Variants in FAM167A observed in about 807,000 individuals in gnomAD.
FAM167A encodes the protein protein FAM167A.
Under a neutral mutation model 14.9 loss-of-function variants are expected in FAM167A, and 23 were observed. That is an observed-to-expected ratio of 1.55 (90% confidence interval 1.11 to 2.19). The LOEUF is 2.19. FAM167A is among the 30% of genes most tolerant of loss of function. FAM167A has a pLI of 0.00. For synonymous variants in FAM167A, 174 were observed against 117.7 expected, an observed-to-expected ratio of 1.48 and a Z score of -3.10; for missense variants, 401 against 281.5, an observed-to-expected ratio of 1.42 and a Z score of -3.04.
intron 1 of FAM167A, among the ~76,000 whole-genome samples, chr8:11,462,496 C>T (rs1197846281): frequency 2.0e-5 from 3 of 152,174 alleles, no homozygotes; most frequent in African/African-American, 2.4e-5. Flanking sequence ...CTTGGTCCAT[C>T]GAATTGGGAA....
At chr8:11,435,396 G>A (rs913228554) in intron 2 of FAM167A, among the ~76,000 whole-genome samples, 26 of 152,250 alleles carry the variant, frequency 1.7e-4, no homozygotes, top group Admixed American at 1.5e-3. Context: ...CCAGAGGAGA[G>A]ACAGAGACTG....
upstream of FAM167A, among the ~76,000 whole-genome samples, chr8:11,471,814 C>G (rs1294464142): frequency 2.6e-5 from 4 of 152,140 alleles, no homozygotes; most frequent in Non-Finnish European, 4.4e-5. Flanking sequence ...GGGCCACGTT[C>G]AGGCCTGTGT....
At chr8:11,472,721 A>G (rs1446843551) in intron 1 of FAM167A, among the ~76,000 whole-genome samples, 1 of 152,132 alleles carries the variant, frequency 6.6e-6, no homozygotes, top group Non-Finnish European at 1.5e-5. Context: ...CAGGAGATCC[A>G]GGTTCCAGGG....
At position 11,434,425 on chromosome 8, in the gene FAM167A, C is replaced by A. The variant is rs535610989; in HGVS notation, c.381+9606G>T. On this transcript the variant is annotated intron_variant, in intron 2 of 2. Transcript: ENST00000284486. ...GCAGGAAGGAGACAGCAAGATGAGT[C>A]CATCTGAGCCAGGCCTCCAGGGATC... Among the ~76,000 whole-genome samples, 14 of 152,208 alleles carry A rather than the reference C, an allele frequency of 9.2e-5. No homozygotes were observed. The South Asian group carries it at 2.9e-3, about 32-fold the overall frequency.
At chr8:11,433,611 G>C in intron 2 of FAM167A, among the ~76,000 whole-genome samples, 1 of 152,202 alleles carries the variant, frequency 6.6e-6, no homozygotes, top group East Asian at 1.9e-4. Flanking sequence ...AAGAGTGCGT[G>C]TCCTGGAGAG....
chr8:11,446,458 A>T (rs1024723677), intron 1 of FAM167A: 4 of 151,364 alleles, frequency 2.6e-5, no homozygotes, highest in African/African-American at 7.4e-5. Context: ...ATTCTGATTC[A>T]ATTGGTCGAG....
Position 11,424,288 on chromosome 8 carries a change from C to A in FAM167A, c.*85G>T. 1 of 1,567,890 alleles carries A rather than the reference C, an allele frequency of 6.4e-7. No individual in the cohort carries two copies. On this transcript the variant is annotated 3_prime_UTR_variant, in exon 3 of 3. Transcript: ENST00000284486. The stretch of plus-strand genomic sequence containing the variant: ...GGGACCCCTGCCTCCGGGAGACCCA[C>A]TGGAGTAACTTGGCCTCAGCTTCCT...
upstream of FAM167A, among the ~76,000 whole-genome samples, chr8:11,471,528 C>T (rs1035914725): frequency 2.0e-5 from 3 of 152,156 alleles, no homozygotes; most frequent in East Asian, 1.9e-4. Context: ...CAGGCAGACC[C>T]GGGTTGCATC....
chr8:11,433,361 CAA>C (rs1256251337), intron 2 of FAM167A, among the ~76,000 whole-genome samples: 1 of 152,110 alleles, frequency 6.6e-6, no homozygotes, highest in Non-Finnish European at 1.5e-5. Flanking sequence ...CCCTTTCCAA[CAA>C]AAGTCTTACC....
At chr8:11,470,384 G>A (rs574846191), upstream of FAM167A, among the ~76,000 whole-genome samples, 1 of 152,292 alleles carries the variant, frequency 6.6e-6, no homozygotes, top group African/African-American at 2.4e-5. Flanking sequence ...CACAATCAGG[G>A]GCCAGCATGG....
chr8:11,429,962 C>G (rs1171800491), intron 2 of FAM167A, among the ~76,000 whole-genome samples: 1 of 152,200 alleles, frequency 6.6e-6, no homozygotes, highest in Non-Finnish European at 1.5e-5. Flanking sequence ...GGTGCACCAT[C>G]ACTTAAGTCC....
chr8:11,462,668 C>A (rs956469187), intron 1 of FAM167A, among the ~76,000 whole-genome samples: 1 of 152,212 alleles, frequency 6.6e-6, no homozygotes. Flanking sequence ...GGATCCTAAA[C>A]TCCTTTGCAG....
intron 1 of FAM167A, among the ~76,000 whole-genome samples, chr8:11,475,385 C>T (rs905886290): frequency 6.6e-6 from 1 of 152,154 alleles, no homozygotes; most frequent in Admixed American, 6.5e-5. Flanking sequence ...TTTAGAGTGT[C>T]TGCATAAAAG....
chr8:11,456,424 G>A (rs1469421610), intron 1 of FAM167A, among the ~76,000 whole-genome samples: 1 of 89,824 alleles, frequency 1.1e-5, no homozygotes, highest in Non-Finnish European at 2.3e-5. Flanking sequence ...GCCTTGCTGG[G>A]TGTATGAGTG....
At chr8:11,459,577 G>A (rs913282008) in intron 1 of FAM167A, among the ~76,000 whole-genome samples, 3 of 152,204 alleles carry the variant, frequency 2.0e-5, no homozygotes. Flanking sequence ...GCCTCTTTCC[G>A]GGGCTGGGGT....
intron 2 of FAM167A, among the ~76,000 whole-genome samples, chr8:11,433,767 G>A (rs535874875): frequency 1.2e-4 from 19 of 152,306 alleles, no homozygotes; most frequent in African/African-American, 3.4e-4. Flanking sequence ...TGAAAAGAGG[G>A]TGCGTGTAAA....
chr8:11,459,251 C>T (rs1003607840), intron 1 of FAM167A, among the ~76,000 whole-genome samples: 9 of 152,158 alleles, frequency 5.9e-5, no homozygotes, highest in Non-Finnish European at 1.2e-4. Context: ...ATCTCTACTG[C>T]AGGCAAGGAA....
chr8:11,422,098 G>A lies in FAM167A; in HGVS notation c.*2275C>T, dbSNP rs1433708401. On this transcript the variant is annotated 3_prime_UTR_variant, in exon 3 of 3. Transcript: ENST00000284486. The stretch of plus-strand genomic sequence containing the variant: ...TAACTTATCCCCAAACATGTGTCTT[G>A]ATCTTAGTTTCCACCCAGAGAATGA... 3.1e-6 allele frequency: 1 copy of A among 325,298 alleles called. No individual in the cohort carries two copies. The highest frequency in any genetic ancestry group is 2.1e-5 in the African/African-American group (1 of 46,942). 20.2% of individuals were successfully genotyped at this position (325,298 alleles called of 1,614,324 possible). A position where few individuals can be genotyped will look rare whatever the true frequency, so the allele number is the denominator to read the frequency against.
upstream of FAM167A, among the ~76,000 whole-genome samples, chr8:11,469,110 C>G (rs138057595): frequency 4.7e-4 from 71 of 152,260 alleles, no homozygotes; most frequent in East Asian, 0.011. Context: ...AACGATTTAA[C>G]GCTAAGTAAA....
Sources: allele counts gnomAD v4.1 joint callset (sites outside exome capture counted in the v4.1 genomes callset), GRCh38; gene constraint gnomAD v4.1.1; transcripts MANE v1.5; gene names NCBI Gene and HGNC (gene_info 2026-07-23, HGNC 2026-07-21).